The following KATNBL1 variants were observed in gnomAD, a reference collection of about 807,000 sequenced individuals.
KATNBL1 encodes KATNB1-like protein 1.
KATNBL1 carries 28 observed loss-of-function variants against 44.7 expected under a neutral mutation model. The ratio of observed to expected loss-of-function variants is 0.63; its 90% CI spans 0.46 to 0.86. The LOEUF (loss-of-function observed/expected upper bound fraction) is 0.86. Ranked by LOEUF, KATNBL1 falls within the 40% of genes least tolerant of loss-of-function variation. The pLI, the probability that KATNBL1 is intolerant of heterozygous loss-of-function variation, is 0.00. For missense variants in KATNBL1, 272 were observed against 350.7 expected, an observed-to-expected ratio of 0.78 and a Z score of 1.79; for synonymous variants, 78 against 114.9, an observed-to-expected ratio of 0.68 and a Z score of 2.06.
chr15:34,152,264 G>A (rs1429221094), intron 4 of KATNBL1, among the ~76,000 whole-genome samples: 1 of 151,966 alleles, frequency 6.6e-6, no homozygotes, highest in African/African-American at 2.4e-5. Context: ...GCAATGGTGT[G>A]ATCTCAACTC....
chr15:34,205,954 C>T (rs1332942774), intron 1 of KATNBL1, among the ~76,000 whole-genome samples: 1 of 152,110 alleles, frequency 6.6e-6, no homozygotes, highest in Non-Finnish European at 1.5e-5. Flanking sequence ...ATTAATCACA[C>T]TAAGATGTAA....
At chr15:34,171,085 G>A (rs546687349) in intron 1 of KATNBL1, among the ~76,000 whole-genome samples, 1 of 152,224 alleles carries the variant, frequency 6.6e-6, no homozygotes, top group East Asian at 1.9e-4. Context: ...ATAGACAAAT[G>A]GGATCTAATT....
At chr15:34,169,940 A>C (rs1373844904) in intron 1 of KATNBL1, among the ~76,000 whole-genome samples, 1 of 152,234 alleles carries the variant, frequency 6.6e-6, no homozygotes, top group Non-Finnish European at 1.5e-5. Context: ...ATCATATCTC[A>C]AAATAATAAG....
intron 1 of KATNBL1, among the ~76,000 whole-genome samples, chr15:34,195,001 T>C (rs2140992257): frequency 6.6e-6 from 1 of 152,322 alleles, no homozygotes; most frequent in Admixed American, 6.5e-5. Context: ...TTTGTGGGAA[T>C]GTAAATTAGT....
intron 1 of KATNBL1, chr15:34,208,987 G>C (rs565220818): frequency 2.0e-5 from 3 of 152,230 alleles, no homozygotes; most frequent in Non-Finnish European, 4.4e-5. Flanking sequence ...TGTCAAAATG[G>C]GGACAACAGT....
At chr15:34,164,998 C>T (rs908114827) in intron 1 of KATNBL1, among the ~76,000 whole-genome samples, 69 of 152,302 alleles carry the variant, frequency 4.5e-4, no homozygotes, top group South Asian at 1.2e-3. Flanking sequence ...ATAATTTCAG[C>T]GAAAGATTTC....
chr15:34,174,989 G>C (rs113452426), intron 1 of KATNBL1, among the ~76,000 whole-genome samples: 17 of 151,056 alleles, frequency 1.1e-4, no homozygotes, highest in African/African-American at 3.9e-4. Flanking sequence ...GCTCATGCCT[G>C]TAATCCCAGC....
intron 1 of KATNBL1, among the ~76,000 whole-genome samples, chr15:34,197,325 G>A (rs973216684): frequency 1.3e-5 from 2 of 152,214 alleles, no homozygotes; most frequent in Admixed American, 6.5e-5. Context: ...TTTAAGTCCT[G>A]TTTTAACCAT....
At chr15:34,195,033 A>G (rs1017896922) in intron 1 of KATNBL1, among the ~76,000 whole-genome samples, 17 of 152,232 alleles carry the variant, frequency 1.1e-4, no homozygotes, top group Admixed American at 7.2e-4. Context: ...GGAAAACAGC[A>G]CAGAGATTTC....
intron 1 of KATNBL1, among the ~76,000 whole-genome samples, chr15:34,169,664 G>A (rs567819866): frequency 6.6e-6 from 1 of 152,296 alleles, no homozygotes; most frequent in East Asian, 1.9e-4. Context: ...CAATATCCCT[G>A]ATGAACACTG....
chr15:34,143,421 T>C (rs906541802), intron 9 of KATNBL1, among the ~76,000 whole-genome samples: 3 of 151,886 alleles, frequency 2.0e-5, no homozygotes, highest in Non-Finnish European at 4.4e-5. Flanking sequence ...GCTGAGCTTG[T>C]GCCACTGCAC....
chr15:34,195,042 T>C (rs530257717), intron 1 of KATNBL1, among the ~76,000 whole-genome samples: 115 of 152,308 alleles, frequency 7.6e-4, no homozygotes, highest in African/African-American at 2.6e-3. Context: ...CACAGAGATT[T>C]CTCAAAGAAC....
intron 3 of KATNBL1, 81 bp from the exon 4 acceptor site, chr15:34,153,150 C>T: frequency 2.2e-6 from 2 of 911,096 alleles, no homozygotes; most frequent in South Asian, 2.0e-5. Context: ...AATTAATAGG[C>T]TATATTTGGT....
chr15:34,148,658 T>TA lies in KATNBL1; in HGVS notation c.530dup (p.Ser178LysfsTer2). On this transcript the variant is annotated frameshift_variant, in exon 5 of 10. Transcript: ENST00000256544. LOFTEE classifies it high-confidence loss of function. ...TCAACAAATAAGCTACAAGTTCACT[T>TA]ATACTTCTCTTTCTCCAGAAAGTTA... 6.3e-7 allele frequency: 1 copy of TA among 1,594,250 alleles called. No homozygotes were observed. Among genetic ancestry groups the TA allele is most frequent in the Non-Finnish European group, 8.6e-7 (1 of 1,162,184 alleles).
chr15:34,149,550 G>A (rs1019766889), intron 4 of KATNBL1, among the ~76,000 whole-genome samples: 3 of 151,562 alleles, frequency 2.0e-5, no homozygotes, highest in East Asian at 3.9e-4. Flanking sequence ...CACCCTCCCC[G>A]AGTAGCTGGG....
At chr15:34,182,592 C>T (rs186037981) in intron 1 of KATNBL1, among the ~76,000 whole-genome samples, 1 of 151,938 alleles carries the variant, frequency 6.6e-6, no homozygotes, top group Non-Finnish European at 1.5e-5. Flanking sequence ...ATATGTTCAC[C>T]CCACCTGAGG....
chr15:34,170,821 A>G (rs1358636494), intron 1 of KATNBL1, among the ~76,000 whole-genome samples: 2 of 152,228 alleles, frequency 1.3e-5, no homozygotes, highest in Non-Finnish European at 1.5e-5. Context: ...AAACCTGACA[A>G]CAAGCAATGG....
chr15:34,183,800 T>C (rs1399221242), intron 1 of KATNBL1, among the ~76,000 whole-genome samples: 1 of 152,216 alleles, frequency 6.6e-6, no homozygotes, highest in Non-Finnish European at 1.5e-5. Flanking sequence ...AGTGATTCCA[T>C]TTATGAGAAG....
intron 2 of KATNBL1, 72 bp downstream of exon 2, chr15:34,163,488 A>G: frequency 6.6e-7 from 1 of 1,524,272 alleles, no homozygotes; most frequent in Non-Finnish European, 8.8e-7. Flanking sequence ...TGTTTAAACA[A>G]TTCAACCAGA....
Sources: allele counts gnomAD v4.1 joint callset (sites outside exome capture counted in the v4.1 genomes callset), GRCh38; gene constraint gnomAD v4.1.1; transcripts MANE v1.5; gene names NCBI Gene and HGNC (gene_info 2026-07-23, HGNC 2026-07-21).